NAV3: variants seen among roughly 807,000 people sequenced by gnomAD.
NAV3 encodes neuron navigator 3, also known as pore membrane and/or filament interacting like protein 1.
In NAV3, 87 loss-of-function variants were observed where a neutral mutation model predicts 244.7. The observed-to-expected ratio is 0.36, with a 90% CI of 0.30 to 0.42. The LOEUF is 0.42. Ranked by LOEUF, NAV3 falls within the 20% of genes least tolerant of loss-of-function variation. The pLI, the probability that NAV3 is intolerant of heterozygous loss-of-function variation, is 1.00. For missense variants in NAV3, 2,663 were observed against 2,893.3 expected (o/e 0.92, Z 1.83); for synonymous variants, 1,126 against 1,042.2 (o/e 1.08, Z -1.55).
At chr12:77,733,531 A>G (rs971919249) in intron 2 of NAV3, among the ~76,000 whole-genome samples, 2 of 152,042 alleles carry the variant, frequency 1.3e-5, no homozygotes, top group African/African-American at 4.8e-5. Context: ...AATGGTTGCA[A>G]CCATCTCAGA....
At chr12:78,061,322 C>T (rs192000941) in intron 12 of NAV3, among the ~76,000 whole-genome samples, 1 of 152,226 alleles carries the variant, frequency 6.6e-6, no homozygotes, top group Admixed American at 6.5e-5. Flanking sequence ...TTCTTATTTA[C>T]CCTATTAGCT....
At chr12:77,716,019 C>G (rs961309071) in intron 2 of NAV3, among the ~76,000 whole-genome samples, 4 of 151,968 alleles carry the variant, frequency 2.6e-5, no homozygotes, top group African/African-American at 9.7e-5. Context: ...TCTCTTGTAA[C>G]ATGTATCTAT....
chr12:77,851,920 T>A (rs778693348), intron 1 of NAV3, among the ~76,000 whole-genome samples: 3 of 152,200 alleles, frequency 2.0e-5, no homozygotes, highest in Non-Finnish European at 2.9e-5. Flanking sequence ...AGTCTTCGTG[T>A]GTACTACCGT....
chr12:77,748,458 G>A (rs1010445999), intron 2 of NAV3, among the ~76,000 whole-genome samples: 1 of 152,166 alleles, frequency 6.6e-6, no homozygotes, highest in African/African-American at 2.4e-5. Flanking sequence ...TTTAAATTAA[G>A]ATGAATGCTG....
At chr12:77,869,244 A>T (rs1021620687) in intron 1 of NAV3, among the ~76,000 whole-genome samples, 1 of 152,194 alleles carries the variant, frequency 6.6e-6, no homozygotes, top group Non-Finnish European at 1.5e-5. Flanking sequence ...CCCAACTATT[A>T]TGAGGGTTCG....
At chr12:77,976,763 T>C (rs11107637) in intron 5 of NAV3, among the ~76,000 whole-genome samples, 98,336 of 147,098 alleles carry the variant, frequency 0.67, 33,056 homozygotes, top group East Asian at 0.75. Context: ...ACTGCAACCT[T>C]CCCCTCCCGG....
intron 2 of NAV3, among the ~76,000 whole-genome samples, chr12:77,793,886 G>A (rs1005001921): frequency 6.6e-6 from 1 of 152,078 alleles, no homozygotes; most frequent in African/African-American, 2.4e-5. Context: ...CTAGATCTTT[G>A]GGGAATCACC....
At chr12:77,993,888 A>G (rs932091652) in intron 5 of NAV3, among the ~76,000 whole-genome samples, 4 of 152,326 alleles carry the variant, frequency 2.6e-5, no homozygotes, top group African/African-American at 7.2e-5. Context: ...GCGATTCTCC[A>G]CTTAGGCATC....
chr12:77,740,295 T>C (rs1230106639), intron 2 of NAV3, among the ~76,000 whole-genome samples: 1 of 152,196 alleles, frequency 6.6e-6, no homozygotes, highest in African/African-American at 2.4e-5. Flanking sequence ...ACATTTCTAA[T>C]GTGGGGTAAA....
At chr12:78,020,589 T>C (rs1876986760) in intron 8 of NAV3, among the ~76,000 whole-genome samples, 1 of 152,160 alleles carries the variant, frequency 6.6e-6, no homozygotes, top group South Asian at 2.1e-4. Context: ...ACAGACAACA[T>C]GTAGTTTTCC....
intron 2 of NAV3, among the ~76,000 whole-genome samples, chr12:77,823,809 G>A (rs1872847474): frequency 6.6e-6 from 1 of 152,160 alleles, no homozygotes; most frequent in South Asian, 2.1e-4. Flanking sequence ...AGAAATGGCA[G>A]AGGTGATGGA....
intron 18 of NAV3, among the ~76,000 whole-genome samples, chr12:78,134,687 G>GTGA: frequency 6.6e-6 from 1 of 152,206 alleles, no homozygotes; most frequent in East Asian, 1.9e-4. Context: ...AGGAGTTACA[G>GTGA]GCTACAGTGA....
intron 2 of NAV3, among the ~76,000 whole-genome samples, chr12:77,707,317 T>C (rs1233654040): frequency 6.6e-6 from 1 of 151,434 alleles, no homozygotes; most frequent in Admixed American, 6.6e-5. Context: ...TGTTTGGTTT[T>C]TTGTCCTTGG....
At chr12:77,756,663 A>G (rs1193815317) in intron 2 of NAV3, among the ~76,000 whole-genome samples, 2 of 152,190 alleles carry the variant, frequency 1.3e-5, no homozygotes, top group East Asian at 1.9e-4. Context: ...TATTTTAGTC[A>G]TGCTTTAAAA....
intron 2 of NAV3, among the ~76,000 whole-genome samples, chr12:77,664,888 C>T (rs1459903850): frequency 2.6e-5 from 4 of 152,112 alleles, no homozygotes; most frequent in African/African-American, 9.7e-5. Context: ...GTACAGTAAA[C>T]ACAGATTTTT....
chr12:78,040,408 A>G (rs1338310675), intron 9 of NAV3, among the ~76,000 whole-genome samples: 1 of 152,192 alleles, frequency 6.6e-6, no homozygotes, highest in Non-Finnish European at 1.5e-5. Context: ...CAGATAAACA[A>G]TGAATTCAGT....
chr12:78,105,856 G>T (rs1954774991), intron 12 of NAV3, among the ~76,000 whole-genome samples: 1 of 151,404 alleles, frequency 6.6e-6, no homozygotes, highest in Non-Finnish European at 1.5e-5. Context: ...GAAGTCATTG[G>T]AATTGAATTT....
At chr12:78,096,266 T>C (rs1954245900) in intron 12 of NAV3, among the ~76,000 whole-genome samples, 1 of 152,178 alleles carries the variant, frequency 6.6e-6, no homozygotes, top group Non-Finnish European at 1.5e-5. Flanking sequence ...TAACCTATGC[T>C]ACAAACTGCT....
At chr12:77,886,625 G>C (rs1883322207) in intron 1 of NAV3, among the ~76,000 whole-genome samples, 1 of 151,994 alleles carries the variant, frequency 6.6e-6, no homozygotes. Context: ...TTTTTTTCCT[G>C]ATATTCTTGC....
Sources: allele counts gnomAD v4.1 joint callset (sites outside exome capture counted in the v4.1 genomes callset), GRCh38; gene constraint gnomAD v4.1.1; transcripts MANE v1.5; gene names NCBI Gene and HGNC (gene_info 2026-07-23, HGNC 2026-07-21).